Variants in UTRN observed in about 807,000 individuals in gnomAD.
UTRN encodes the protein dystrophin-related protein 1.
Under a neutral mutation model 463.9 loss-of-function variants are expected in UTRN, and 283 were observed. That is an observed-to-expected ratio of 0.61 (90% CI 0.55 to 0.67). The LOEUF (loss-of-function observed/expected upper bound fraction) is 0.67, where lower values mean the gene tolerates loss of function less well. Among genes scored for constraint, UTRN ranks in the 30% least tolerant of loss-of-function variants. The probability of loss-of-function intolerance (pLI) is 0.00; values close to 1 mark genes in which losing one functional copy is unlikely to be tolerated. For synonymous variants in UTRN, 1,442 were observed against 1,431.5 expected, an observed-to-expected ratio of 1.01 and a Z score of -0.17; for missense variants, 3,922 against 4,084.3, an observed-to-expected ratio of 0.96 and a Z score of 1.08.
At chr6:144,799,803 G>A (rs1285888895) in intron 64 of UTRN, among the ~76,000 whole-genome samples, 1 of 152,202 alleles carries the variant, frequency 6.6e-6, no homozygotes, top group Non-Finnish European at 1.5e-5. Context: ...AGGCCAGGCA[G>A]CCGATTGTGC....
intron 69 of UTRN, 32 bp from the exon 70 acceptor site, chr6:144,835,748 A>C: frequency 6.2e-7 from 1 of 1,612,194 alleles, no homozygotes. Flanking sequence ...TCCAGATGTG[A>C]GCCTCTGGGT....
intron 51 of UTRN, among the ~76,000 whole-genome samples, chr6:144,611,967 T>C (rs115535104): frequency 3.7e-4 from 56 of 152,128 alleles, no homozygotes; most frequent in African/African-American, 1.3e-3. Context: ...ATAAAACATG[T>C]TATAAAGAGA....
At chr6:144,761,688 A>G (rs1792708511) in intron 58 of UTRN, among the ~76,000 whole-genome samples, 1 of 152,006 alleles carries the variant, frequency 6.6e-6, no homozygotes, top group South Asian at 2.1e-4. Flanking sequence ...GAGAGAGAGA[A>G]AAAGAAAATT....
rs1237663071 is a variant in UTRN, at chr6:144,493,288, G to C, written c.4438-13G>C. The C allele has an allele frequency of 1.2e-6, 2 of 1,612,380 alleles. No homozygotes were observed. The highest frequency in any genetic ancestry group is 3.3e-5 in the Admixed American group (2 of 59,784). Reference sequence around the variant, plus strand: ...CAGTGTGTAATTTGTCTTTTTCTTTGTTTGTTTTAAAGAAACTGTATAAAA... The same window carrying C: ...CAGTGTGTAATTTGTCTTTTTCTTTCTTTGTTTTAAAGAAACTGTATAAAA... On this transcript the variant is annotated splice_polypyrimidine_tract_variant and intron_variant, in intron 32 of 74. Transcript: ENST00000367545.
chr6:144,754,714 G>A lies in UTRN; in HGVS notation c.8356-6G>A. The A allele has an allele frequency of 6.2e-7, 1 of 1,613,182 alleles. No homozygotes were observed. Among genetic ancestry groups the A allele is most frequent in the East Asian group, 2.2e-5 (1 of 44,824 alleles). On this transcript the variant is annotated splice_polypyrimidine_tract_variant and splice_region_variant and intron_variant, in intron 56 of 74. Coordinates refer to ENST00000367545, the MANE Select transcript of UTRN (RefSeq NM_007124.3). ...TTTCCTCTGACTTGCATGTGTATGT[G>A]TGCAGGTTTCTGTGGATGATCGCCT...
intron 34 of UTRN, among the ~76,000 whole-genome samples, chr6:144,509,306 CG>C (rs1179397562): frequency 6.6e-6 from 1 of 151,632 alleles, no homozygotes; most frequent in Non-Finnish European, 1.5e-5. Flanking sequence ...ATATACTTTT[CG>C]GTTTTTTTAC....
At chr6:144,782,257 G>C in intron 61 of UTRN, 134 bp downstream of exon 61, 1 of 730,264 alleles carries the variant, frequency 1.4e-6, no homozygotes, top group Non-Finnish European at 2.1e-6. Context: ...TATGTTTGTT[G>C]TTGAAACTGA....
intron 3 of UTRN, among the ~76,000 whole-genome samples, chr6:144,412,201 T>A (rs942051562): frequency 6.6e-6 from 1 of 152,204 alleles, no homozygotes; most frequent in African/African-American, 2.4e-5. Context: ...TTAAAACATC[T>A]ATTATTTGTT....
chr6:144,621,945 C>T (rs1159823443), intron 51 of UTRN, among the ~76,000 whole-genome samples: 1 of 151,914 alleles, frequency 6.6e-6, no homozygotes, highest in African/African-American at 2.4e-5. Context: ...TTCTCTCTCC[C>T]TCTTCTCCTT....
intron 40 of UTRN, among the ~76,000 whole-genome samples, chr6:144,522,741 G>C (rs1796214524): frequency 6.6e-6 from 1 of 152,042 alleles, no homozygotes; most frequent in African/African-American, 2.4e-5. Flanking sequence ...TACCTATAGA[G>C]AATGTTACTG....
chr6:144,601,598 T>C (rs1400868535), intron 51 of UTRN, among the ~76,000 whole-genome samples: 1 of 152,006 alleles, frequency 6.6e-6, no homozygotes, highest in Non-Finnish European at 1.5e-5. Context: ...AAAAAAGTGG[T>C]TTCTTGAGAT....
intron 51 of UTRN, among the ~76,000 whole-genome samples, chr6:144,593,813 T>A (rs562817590): frequency 2.6e-5 from 4 of 152,366 alleles, no homozygotes; most frequent in African/African-American, 9.6e-5. Flanking sequence ...CAGCTATGTA[T>A]GCCAGATCTT....
intron 53 of UTRN, among the ~76,000 whole-genome samples, chr6:144,724,221 A>AC (rs1301789680): frequency 2.2e-5 from 3 of 134,858 alleles, no homozygotes; most frequent in African/African-American, 8.3e-5. Flanking sequence ...TAGATTCATA[A>AC]CTTTTTTTTT....
chr6:144,469,059 C>A (rs1360244960), intron 23 of UTRN, among the ~76,000 whole-genome samples: 1 of 152,008 alleles, frequency 6.6e-6, no homozygotes, highest in Non-Finnish European at 1.5e-5. Flanking sequence ...AAAGGATGGG[C>A]CTTTCCTTCT....
At chr6:144,456,730 CTGA>C (rs1166379798) in intron 19 of UTRN, among the ~76,000 whole-genome samples, 2 of 150,974 alleles carry the variant, frequency 1.3e-5, no homozygotes, top group Non-Finnish European at 3.0e-5. Flanking sequence ...ACTTTCATAG[CTGA>C]TATACTTGGT....
At chr6:144,804,067 C>A (rs1453137823) in intron 65 of UTRN, among the ~76,000 whole-genome samples, 1 of 152,054 alleles carries the variant, frequency 6.6e-6, no homozygotes, top group East Asian at 1.9e-4. Flanking sequence ...AATAGCTATT[C>A]TTTTACTTCC....
At chr6:144,710,095 G>C (rs1309176196) in intron 53 of UTRN, among the ~76,000 whole-genome samples, 1 of 152,216 alleles carries the variant, frequency 6.6e-6, no homozygotes, top group Non-Finnish European at 1.5e-5. Context: ...CCCTGTGCTT[G>C]TGGTTTGTTG....
intron 52 of UTRN, among the ~76,000 whole-genome samples, chr6:144,690,923 G>T (rs1325545752): frequency 6.6e-6 from 1 of 152,162 alleles, no homozygotes; most frequent in Non-Finnish European, 1.5e-5. Flanking sequence ...TTCTTTCAAA[G>T]GGTCTGTGGT....
Position 144,531,219 on chromosome 6 carries a change from A to T in UTRN, c.6057+17A>T. 3.7e-6 allele frequency: 6 copies of T among 1,613,212 alleles called. No individual in the cohort carries two copies. Among genetic ancestry groups the T allele is most frequent in the Non-Finnish European group, 5.1e-6 (6 of 1,179,500 alleles). Reference sequence around the variant, plus strand: ...CATCAGCAGGTGAGTGCTTTCTGTTAGAGGAGGGGGACTGCACATATGGTT... The same window carrying T: ...CATCAGCAGGTGAGTGCTTTCTGTTTGAGGAGGGGGACTGCACATATGGTT... On this transcript the variant is annotated intron_variant, in intron 42 of 74. Coordinates refer to ENST00000367545, the MANE Select transcript of UTRN (RefSeq NM_007124.3).
Sources: allele counts gnomAD v4.1 joint callset (sites outside exome capture counted in the v4.1 genomes callset), GRCh38; gene constraint gnomAD v4.1.1; transcripts MANE v1.5; gene names NCBI Gene and HGNC (gene_info 2026-07-23, HGNC 2026-07-21).